Variants in CSTPP1 observed in about 807,000 individuals in gnomAD.
CSTPP1 encodes the protein UPF0705 protein C11orf49.
chr11:46,968,376 TATA>T, the CSTPP1 span, among the ~76,000 whole-genome samples: 9 of 146,766 alleles, frequency 6.1e-5, no homozygotes, highest in Non-Finnish European at 1.0e-4. Context: ...TATAATTATA[TATA>T]ATATTTAATA....
At chr11:46,967,863 T>G in the CSTPP1 span, among the ~76,000 whole-genome samples, 1 of 151,304 alleles carries the variant, frequency 6.6e-6, no homozygotes, top group East Asian at 1.9e-4. Context: ...TTTCAACAAA[T>G]TTAGTTCAAA....
the CSTPP1 span, among the ~76,000 whole-genome samples, chr11:46,957,414 C>G: frequency 5.9e-5 from 9 of 152,126 alleles, no homozygotes; most frequent in Non-Finnish European, 1.2e-4. Flanking sequence ...TTTAGGGAAT[C>G]TTCTGTTTAT....
At chr11:47,112,836 G>A in the CSTPP1 span, among the ~76,000 whole-genome samples, 3 of 151,890 alleles carry the variant, frequency 2.0e-5, no homozygotes, top group Admixed American at 2.0e-4. Context: ...TCCCCATTTT[G>A]TTTATTTATT....
chr11:47,057,233 T>A, the CSTPP1 span, among the ~76,000 whole-genome samples: 1 of 152,168 alleles, frequency 6.6e-6, no homozygotes, highest in African/African-American at 2.4e-5. Context: ...ACTTTGCTAA[T>A]TTTTTCTGTA....
chr11:47,119,831 G>A, the CSTPP1 span, among the ~76,000 whole-genome samples: 6 of 151,868 alleles, frequency 4.0e-5, no homozygotes, highest in Non-Finnish European at 5.9e-5. Flanking sequence ...GGCTGGTCTC[G>A]AACTCCTGAC....
At chr11:47,073,394 C>T in the CSTPP1 span, among the ~76,000 whole-genome samples, 1 of 152,118 alleles carries the variant, frequency 6.6e-6, no homozygotes, top group Non-Finnish European at 1.5e-5. Flanking sequence ...AGGAAGCTTT[C>T]ATCGAAAATG....
chr11:47,128,688 T>C, the CSTPP1 span, among the ~76,000 whole-genome samples: 780 of 152,300 alleles, frequency 5.1e-3, 12 homozygotes, highest in African/African-American at 0.018. Flanking sequence ...GCGCCAGACC[T>C]AGATTTCTAT....
At chr11:47,128,203 T>C in the CSTPP1 span, among the ~76,000 whole-genome samples, 1 of 152,198 alleles carries the variant, frequency 6.6e-6, no homozygotes, top group South Asian at 2.1e-4. Context: ...CATTGCACTA[T>C]GTAAGACCCA....
chr11:46,970,186 A>G, the CSTPP1 span, among the ~76,000 whole-genome samples: 1 of 151,998 alleles, frequency 6.6e-6, no homozygotes, highest in Non-Finnish European at 1.5e-5. Flanking sequence ...TCTGTATATT[A>G]TTATATTTAA....
chr11:47,158,075 T>C, the CSTPP1 span: 60 of 670,754 alleles, frequency 8.9e-5, no homozygotes, highest in Non-Finnish European at 1.3e-4. Flanking sequence ...AGCAGGAATA[T>C]GGCGACAAAA....
At chr11:47,042,043 A>C in the CSTPP1 span, 1 of 173,424 alleles carries the variant, frequency 5.8e-6, no homozygotes, top group Non-Finnish European at 1.2e-5. Context: ...ACAAAAAAAA[A>C]TTTTTTTAAA....
chr11:47,057,124 A>T, the CSTPP1 span, among the ~76,000 whole-genome samples: 7 of 152,350 alleles, frequency 4.6e-5, no homozygotes, highest in East Asian at 1.3e-3. Context: ...AGATAATCTC[A>T]TGAAGACTGT....
chr11:47,028,741 C>T, the CSTPP1 span, among the ~76,000 whole-genome samples: 3 of 152,148 alleles, frequency 2.0e-5, no homozygotes, highest in Non-Finnish European at 2.9e-5. Context: ...CATTTCAGGG[C>T]TTTAGGCTTC....
the CSTPP1 span, among the ~76,000 whole-genome samples, chr11:47,048,688 G>T: frequency 6.6e-6 from 1 of 151,996 alleles, no homozygotes; most frequent in Non-Finnish European, 1.5e-5. Context: ...GCAGAAGGGG[G>T]TGTTGTTGTT....
chr11:47,149,871 C>T, the CSTPP1 span, among the ~76,000 whole-genome samples: 5 of 151,928 alleles, frequency 3.3e-5, no homozygotes, highest in African/African-American at 1.2e-4. Context: ...GAAGTATGAG[C>T]CTTCAAACTT....
At chr11:47,013,469 A>T in the CSTPP1 span, among the ~76,000 whole-genome samples, 1 of 152,010 alleles carries the variant, frequency 6.6e-6, no homozygotes, top group African/African-American at 2.4e-5. Context: ...CTCACTGTTC[A>T]TCTCCCACTT....
chr11:47,035,063 T>C, the CSTPP1 span, among the ~76,000 whole-genome samples: 1 of 152,218 alleles, frequency 6.6e-6, no homozygotes, highest in African/African-American at 2.4e-5. Flanking sequence ...CTATAAAAGC[T>C]GTGTTTTCAA....
the CSTPP1 span, among the ~76,000 whole-genome samples, chr11:47,034,697 C>G: frequency 4.6e-5 from 7 of 152,082 alleles, no homozygotes; most frequent in East Asian, 1.2e-3. Context: ...TGGGGTTTTT[C>G]CATGTTGCCC....
chr11:47,132,755 C>A, the CSTPP1 span, among the ~76,000 whole-genome samples: 2 of 152,186 alleles, frequency 1.3e-5, no homozygotes, highest in African/African-American at 4.8e-5. Flanking sequence ...CTGTCAGTCA[C>A]CTGGTGTGAA....
Sources: gnomAD v4.1 joint callset for allele counts (sites outside exome capture counted in the v4.1 genomes callset) on GRCh38, gnomAD v4.1.1 for gene constraint, MANE v1.5 for transcripts, NCBI Gene and HGNC (gene_info 2026-07-23, HGNC 2026-07-21) for gene names.